DDX60L: variants seen among roughly 807,000 people sequenced by gnomAD.
The protein encoded by DDX60L is DExD/H-box 60 like.
A neutral mutation model predicts 211.6 loss-of-function variants in DDX60L; 191 were observed. That is an observed-to-expected ratio of 0.90 (90% CI 0.80 to 1.02). The LOEUF is 1.02. DDX60L is among the 50% of genes least tolerant of loss of function. DDX60L has a pLI of 0.00. For missense variants in DDX60L, 2,007 were observed against 1,984.1 expected, an observed-to-expected ratio of 1.01 and a Z score of -0.22; for synonymous variants, 706 against 694.1, an observed-to-expected ratio of 1.02 and a Z score of -0.27.
rs771711145 is a variant in DDX60L, at chr4:168,441,362, AAG to A, written c.1267_1268del (p.Leu423Ter). ...CTTGAATGACCGATTTCTCTTGTCT[AAG>A]AAAATGTCTTCTTGTTGTTCTCAGA... is the stretch of plus-strand genomic sequence containing the variant. Reference protein sequence around the residue: ...FPLRTTRRHFLRQEKSVIQEI... With the variant: ...FPLRTTRRHFXRQEKSVIQEI... On this transcript the variant is annotated frameshift_variant, in exon 10 of 38. Coordinates refer to ENST00000682922, the MANE Select transcript of DDX60L (RefSeq NM_001012967.3). LOFTEE classifies it high-confidence loss of function. 1 of 1,609,658 alleles carries A rather than the reference AAG, an allele frequency of 6.2e-7. No individual in the cohort carries two copies. Among genetic ancestry groups the A allele is most frequent in the Non-Finnish European group, 8.5e-7 (1 of 1,178,368 alleles).
chr4:168,378,561 C>T, intron 32 of DDX60L, 86 bp from the exon 33 acceptor site: 4 of 1,146,968 alleles, frequency 3.5e-6, no homozygotes, highest in South Asian at 1.9e-5. Context: ...TAGTACATTT[C>T]CTTTTGTTGA....
In DDX60L at chr4:168,454,758, C is replaced by CTTTTTTTTTTTTTTTTTTTTTTTTT. The variant is rs767461447; in HGVS notation, c.837+1280_837+1281insAAAAAAAAAAAAAAAAAAAAAAAAA. Among the ~76,000 whole-genome samples the CTTTTTTTTTTTTTTTTTTTTTTTTT allele has an allele frequency of 3.4e-3, 303 of 88,608 alleles. 45 individuals carry two copies. The highest frequency in any genetic ancestry group is 4.5e-3 in the Non-Finnish European group (216 of 47,562). 58.1% of individuals were successfully genotyped at this position (88,608 alleles called of 152,430 possible). A position where few individuals can be genotyped will look rare whatever the true frequency, so the allele number is the denominator to read the frequency against. ...GTGCTCCCGAAGAGTAAACAGCTTC[C>CTTTTTTTTTTTTTTTTTTTTTTTTT]TTTTTTTTTTTTTTTTTTTTTAGCA... On this transcript the variant is annotated intron_variant, in intron 7 of 37. Transcript: ENST00000682922.
chr4:168,375,253 G>T, intron 34 of DDX60L, 124 bp downstream of exon 34: 1 of 993,104 alleles, frequency 1.0e-6, no homozygotes, highest in Non-Finnish European at 1.5e-6. Flanking sequence ...AAACACTTGG[G>T]TTAGTACAGC....
chr4:168,440,760 C>G (rs1207573204), intron 10 of DDX60L, among the ~76,000 whole-genome samples: 1 of 152,166 alleles, frequency 6.6e-6, no homozygotes, highest in African/African-American at 2.4e-5. Flanking sequence ...TCCATCAGCA[C>G]CTTTGTAATC....
At chr4:168,478,695 A>G (rs1421660587) in intron 1 of DDX60L, among the ~76,000 whole-genome samples, 1 of 152,232 alleles carries the variant, frequency 6.6e-6, no homozygotes, top group Non-Finnish European at 1.5e-5. Flanking sequence ...TTAAAAATAT[A>G]TAATTCATAT....
Position 168,403,691 on chromosome 4 carries a change from A to AGCAAC in DDX60L, c.3338+290_3338+291insGTTGC, listed in dbSNP as rs1747229826. Among the ~76,000 whole-genome samples, 3 of 152,314 alleles carry AGCAAC rather than the reference A, an allele frequency of 2.0e-5. No individual in the cohort carries two copies. In the South Asian group the frequency reaches 6.2e-4, roughly 32 times the overall value. ...TTTAGTTCCTAAAGGAACATTTCTAAAGTTAATGATAGTTGCTTACAAAAA... is the reference window on the plus strand; with the variant it reads ...TTTAGTTCCTAAAGGAACATTTCTAAGCAACAGTTAATGATAGTTGCTTACAAAAA... On this transcript the variant is annotated intron_variant, in intron 25 of 37. Transcript: ENST00000682922.
chr4:168,429,783 T>C (rs1007142249), intron 13 of DDX60L, among the ~76,000 whole-genome samples: 4 of 152,198 alleles, frequency 2.6e-5, no homozygotes, highest in Non-Finnish European at 5.9e-5. Context: ...GTTCTCATGA[T>C]AGTGAATGAG....
rs766528700 is a variant in DDX60L at position 168,461,837 on chromosome 4, G to A, written c.468C>T (p.Tyr156=). The A allele has an allele frequency of 3.1e-6, 5 of 1,608,774 alleles. No homozygotes were observed. The highest frequency in any genetic ancestry group is 4.2e-6 in the Non-Finnish European group (5 of 1,177,054). ...AATGTATGATTAGGAAGTTAAAAAG[G>A]TACGTTTGTAAATCACTCAGGCCTT... ...SEEGLSDLQT[Y]LFNFLIIHSW... Residue 156 remains tyrosine (Y), a synonymous_variant, in exon 5 of 38, where the codon TAC becomes TAT. Transcript: ENST00000682922.
intron 25 of DDX60L, among the ~76,000 whole-genome samples, chr4:168,403,739 C>G (rs901800705): frequency 1.3e-5 from 2 of 151,904 alleles, no homozygotes; most frequent in African/African-American, 4.8e-5. Context: ...AGCTGAAAAC[C>G]TTTTTAAAAA....
At chr4:168,449,367 A>C in intron 8 of DDX60L, among the ~76,000 whole-genome samples, 1 of 147,222 alleles carries the variant, frequency 6.8e-6, no homozygotes, top group Non-Finnish European at 1.5e-5. Flanking sequence ...TCGCAAGATC[A>C]AAAAACCAAA....
At chr4:168,372,592 T>C (rs958293188) in intron 35 of DDX60L, among the ~76,000 whole-genome samples, 5 of 151,966 alleles carry the variant, frequency 3.3e-5, no homozygotes, top group African/African-American at 1.2e-4. Flanking sequence ...CTGGGCATGC[T>C]GGCACGTGCG....
rs536320941 is a variant in DDX60L at position 168,435,245 on chromosome 4, C to T, written c.1295-2130G>A. ...TAACTGGGACAGACATACTCAGCAA[C>T]TCAACACATCTCCAGGTTGGTTCCC... On this transcript the variant is annotated intron_variant, in intron 10 of 37. Coordinates refer to ENST00000682922, the MANE Select transcript of DDX60L (RefSeq NM_001012967.3). Among the ~76,000 whole-genome samples, 11 of 152,320 alleles carry T rather than the reference C, an allele frequency of 7.2e-5. No homozygotes were observed. The South Asian group carries it at 1.7e-3, about 23-fold the overall frequency.
intron 8 of DDX60L, among the ~76,000 whole-genome samples, chr4:168,450,313 G>A (rs548517654): frequency 6.6e-6 from 1 of 152,240 alleles, no homozygotes; most frequent in East Asian, 1.9e-4. Context: ...CTCAGTGCAA[G>A]AAGACAGCTT....
chr4:168,442,953 T>A (rs1754172711), intron 9 of DDX60L, among the ~76,000 whole-genome samples: 1 of 152,140 alleles, frequency 6.6e-6, no homozygotes, highest in African/African-American at 2.4e-5. Flanking sequence ...AACTGGAAAC[T>A]ATAAAAAGCA....
Position 168,420,257 on chromosome 4 carries a change from A to C in DDX60L, c.2514+4T>G, listed in dbSNP as rs771304023. The C allele has an allele frequency of 6.3e-7, 1 of 1,580,530 alleles. No individual in the cohort carries two copies. The highest frequency in any genetic ancestry group is 8.6e-7 in the Non-Finnish European group (1 of 1,165,592). On this transcript the variant is annotated splice_donor_region_variant and intron_variant, in intron 18 of 37. Transcript: ENST00000682922. ...TAATAAACTCATTAATTAATATGTC[A>C]TACCTGACAGTTTAGTACATTGTGA...
intron 14 of DDX60L, among the ~76,000 whole-genome samples, chr4:168,425,464 A>C (rs1260717548): frequency 1.3e-5 from 2 of 152,208 alleles, no homozygotes; most frequent in Non-Finnish European, 2.9e-5. Context: ...GTCTAGCATC[A>C]AAATCACATA....
At chr4:168,463,792 C>T (rs1757629045) in intron 4 of DDX60L, among the ~76,000 whole-genome samples, 1 of 152,000 alleles carries the variant, frequency 6.6e-6, no homozygotes, top group South Asian at 2.1e-4. Flanking sequence ...AGGAGTAAAA[C>T]AACAATTGCT....
chr4:168,407,840 A>G (rs1748017428), intron 22 of DDX60L, among the ~76,000 whole-genome samples: 2 of 152,238 alleles, frequency 1.3e-5, no homozygotes, highest in African/African-American at 4.8e-5. Context: ...TTTCTTGTCT[A>G]TAATATGAGA....
chr4:168,376,072 C>T (rs1741897656), intron 33 of DDX60L, among the ~76,000 whole-genome samples: 3 of 152,184 alleles, frequency 2.0e-5, no homozygotes. Flanking sequence ...GCTGGTATTG[C>T]AAGCTAACTC....
Sources: gnomAD v4.1 joint callset for allele counts (sites outside exome capture counted in the v4.1 genomes callset) on GRCh38, gnomAD v4.1.1 for gene constraint, MANE v1.5 for transcripts, NCBI Gene and HGNC (gene_info 2026-07-23, HGNC 2026-07-21) for gene names.